The following TTC28 variants were observed in gnomAD, a reference collection of about 807,000 sequenced individuals.
TTC28 encodes tetratricopeptide repeat protein 28.
Under a neutral mutation model 198.0 loss-of-function variants are expected in TTC28, and 61 were observed. The observed-to-expected ratio is 0.31, with a 90% CI of 0.25 to 0.38. TTC28 has a LOEUF of 0.38. Among genes scored for constraint, TTC28 ranks in the 10% least tolerant of loss-of-function variants. The pLI is 1.00. For missense variants in TTC28, 2,678 were observed against 3,164.0 expected, an observed-to-expected ratio of 0.85 and a Z score of 3.69; for synonymous variants, 1,171 against 1,297.8, an observed-to-expected ratio of 0.90 and a Z score of 2.10.
chr22:28,021,142 G>A (rs930594943), intron 13 of TTC28, among the ~76,000 whole-genome samples: 2 of 152,202 alleles, frequency 1.3e-5, no homozygotes, highest in African/African-American at 2.4e-5. Context: ...CCTCAGCCAA[G>A]GCTAAGAAAA....
At chr22:28,408,169 CAATA>C (rs899329188) in intron 2 of TTC28, among the ~76,000 whole-genome samples, 26 of 151,506 alleles carry the variant, frequency 1.7e-4, no homozygotes, top group African/African-American at 6.3e-4. Context: ...GAAAAAAAAA[CAATA>C]AATAACGTTT....
At chr22:28,277,704 AT>A (rs2044497052) in intron 5 of TTC28, among the ~76,000 whole-genome samples, 1 of 152,240 alleles carries the variant, frequency 6.6e-6, no homozygotes, top group South Asian at 2.1e-4. Context: ...AACCATAAGT[AT>A]AACACTTATT....
At chr22:28,488,892 G>C (rs952360159) in intron 2 of TTC28, among the ~76,000 whole-genome samples, 7 of 152,116 alleles carry the variant, frequency 4.6e-5, no homozygotes, top group Non-Finnish European at 1.0e-4. Context: ...AAGCCACCAT[G>C]AGCAAGAGAC....
intron 8 of TTC28, among the ~76,000 whole-genome samples, chr22:28,103,237 C>T (rs1032191721): frequency 7.2e-5 from 11 of 152,196 alleles, no homozygotes; most frequent in African/African-American, 2.7e-4. Context: ...TATAGTTTGT[C>T]AGGGACTGGT....
chr22:28,013,986 AG>A (rs1341802090), intron 14 of TTC28, among the ~76,000 whole-genome samples: 3 of 152,160 alleles, frequency 2.0e-5, no homozygotes, highest in African/African-American at 7.2e-5. Context: ...CCCGGCTTGT[AG>A]GGAGCAGAGC....
At chr22:28,034,034 G>T (rs2146645968) in intron 12 of TTC28, among the ~76,000 whole-genome samples, 1 of 152,320 alleles carries the variant, frequency 6.6e-6, no homozygotes, top group East Asian at 1.9e-4. Context: ...AGAAAGAGAG[G>T]AGAAGGGAAT....
chr22:28,074,743 T>C (rs1941111340), intron 12 of TTC28, among the ~76,000 whole-genome samples: 1 of 150,194 alleles, frequency 6.7e-6, no homozygotes, highest in Non-Finnish European at 1.5e-5. Flanking sequence ...ATTCACCAGA[T>C]TATCCCCCCC....
chr22:28,466,596 G>A (rs1324867625), intron 2 of TTC28, among the ~76,000 whole-genome samples: 2 of 152,100 alleles, frequency 1.3e-5, no homozygotes, highest in Non-Finnish European at 2.9e-5. Context: ...AATCCTGCAT[G>A]GCCACATTTA....
At chr22:28,584,740 G>C (rs2146069835) in intron 2 of TTC28, among the ~76,000 whole-genome samples, 1 of 152,270 alleles carries the variant, frequency 6.6e-6, no homozygotes, top group Non-Finnish European at 1.5e-5. Context: ...CATTTTGCAG[G>C]TGATGGAGAG....
intron 2 of TTC28, among the ~76,000 whole-genome samples, chr22:28,558,970 G>T (rs1333573683): frequency 6.6e-6 from 1 of 151,614 alleles, no homozygotes; most frequent in East Asian, 1.9e-4. Flanking sequence ...GGGAGGCGGG[G>T]ATTGCAGTGA....
At chr22:28,028,775 A>C (rs560107772) in intron 13 of TTC28, 1 of 318,616 alleles carries the variant, frequency 3.1e-6, no homozygotes, top group South Asian at 2.5e-5. Flanking sequence ...GAAACCCACC[A>C]GTTGTTCAGT....
intron 6 of TTC28, among the ~76,000 whole-genome samples, chr22:28,113,393 C>A (rs1432009566): frequency 6.6e-6 from 1 of 152,154 alleles, no homozygotes; most frequent in Admixed American, 6.5e-5. Context: ...TCAGAGGCAA[C>A]ATAAGATTTG....
At chr22:28,301,779 G>A (rs2045032661) in intron 3 of TTC28, among the ~76,000 whole-genome samples, 1 of 152,080 alleles carries the variant, frequency 6.6e-6, no homozygotes. Context: ...CAGGCATGGT[G>A]GCTCACACCT....
intron 6 of TTC28, among the ~76,000 whole-genome samples, chr22:28,121,845 G>C: frequency 6.6e-6 from 1 of 152,036 alleles, no homozygotes; most frequent in East Asian, 1.9e-4. Flanking sequence ...TGGGATTTTA[G>C]GGTAAGCGTT....
chr22:28,238,839 C>T (rs1025330089), intron 5 of TTC28, among the ~76,000 whole-genome samples: 4 of 152,180 alleles, frequency 2.6e-5, no homozygotes, highest in African/African-American at 4.8e-5. Flanking sequence ...AGAGGACTCA[C>T]ATATAGATTT....
At chr22:28,324,605 T>G (rs1038232803) in intron 2 of TTC28, among the ~76,000 whole-genome samples, 6 of 152,142 alleles carry the variant, frequency 3.9e-5, no homozygotes, top group African/African-American at 1.4e-4. Flanking sequence ...TCAATAAACG[T>G]AATCCACTAC....
At chr22:28,527,730 G>T (rs1416118969) in intron 2 of TTC28, among the ~76,000 whole-genome samples, 1 of 152,066 alleles carries the variant, frequency 6.6e-6, no homozygotes. Flanking sequence ...TGACCTCCTG[G>T]GATCAAGTGA....
intron 2 of TTC28, among the ~76,000 whole-genome samples, chr22:28,519,787 T>TA (rs1160101612): frequency 3.3e-5 from 5 of 152,250 alleles, no homozygotes; most frequent in African/African-American, 1.2e-4. Context: ...ACTTGCAATA[T>TA]AAAGCTTTTC....
chr22:28,636,018 T>G (rs2051264114), intron 1 of TTC28, among the ~76,000 whole-genome samples: 1 of 152,058 alleles, frequency 6.6e-6, no homozygotes, highest in Admixed American at 6.6e-5. Context: ...ATTCAACATT[T>G]TTAGATCCTA....
Sources: gnomAD v4.1 joint callset for allele counts (sites outside exome capture counted in the v4.1 genomes callset) on GRCh38, gnomAD v4.1.1 for gene constraint, MANE v1.5 for transcripts, NCBI Gene and HGNC (gene_info 2026-07-23, HGNC 2026-07-21) for gene names.